The following MDGA2 variants were observed in gnomAD, a reference collection of about 807,000 sequenced individuals.
MDGA2 encodes MAM domain-containing glycosylphosphatidylinositol anchor protein 2.
MDGA2 carries 40 observed loss-of-function variants against 117.8 expected under a neutral mutation model. That is an observed-to-expected ratio of 0.34 (90% CI 0.26 to 0.44). The LOEUF is 0.44. Ranked by LOEUF, MDGA2 falls within the 20% of genes least tolerant of loss-of-function variation. The pLI is 1.00. For missense variants in MDGA2, 1,123 were observed against 1,250.6 expected (o/e 0.90, Z 1.54); for synonymous variants, 452 against 439.0 (o/e 1.03, Z -0.37).
chr14:46,886,568 G>C (rs189303124), intron 10 of MDGA2, among the ~76,000 whole-genome samples: 1 of 152,174 alleles, frequency 6.6e-6, no homozygotes, highest in East Asian at 1.9e-4. Context: ...GAGGGGTAAA[G>C]AAAGGACTTC....
intron 2 of MDGA2, among the ~76,000 whole-genome samples, chr14:47,224,159 A>G (rs1886395547): frequency 6.6e-6 from 1 of 152,176 alleles, no homozygotes; most frequent in African/African-American, 2.4e-5. Flanking sequence ...TGTAAAAATA[A>G]CATTAACAGA....
intron 1 of MDGA2, among the ~76,000 whole-genome samples, chr14:47,413,420 G>C (rs1234262357): frequency 6.6e-6 from 1 of 152,066 alleles, no homozygotes; most frequent in South Asian, 2.1e-4. Flanking sequence ...AAGGGCAGTG[G>C]GAAAGAAAGA....
At chr14:46,850,003 T>C (rs1880997704) in intron 15 of MDGA2, among the ~76,000 whole-genome samples, 1 of 151,874 alleles carries the variant, frequency 6.6e-6, no homozygotes, top group Admixed American at 6.6e-5. Context: ...ACAATAGCAC[T>C]ATTATTTAAA....
intron 6 of MDGA2, among the ~76,000 whole-genome samples, chr14:47,064,217 T>A (rs564998787): frequency 1.8e-4 from 28 of 152,000 alleles, no homozygotes; most frequent in Non-Finnish European, 3.8e-4. Context: ...GCGAAAAACA[T>A]TGGTGAATCT....
chr14:47,443,313 C>T (rs537833330), intron 1 of MDGA2, among the ~76,000 whole-genome samples: 3 of 152,130 alleles, frequency 2.0e-5, no homozygotes, highest in African/African-American at 7.2e-5. Context: ...GTAGAAGACA[C>T]GAACAGACAT....
At position 47,287,632 on chromosome 14, in the gene MDGA2, C is replaced by G. The variant is rs901332378; in HGVS notation, c.420+13779G>C. Among the ~76,000 whole-genome samples, 4 of 152,010 alleles carry G rather than the reference C, an allele frequency of 2.6e-5. No homozygotes were observed. In the East Asian group the frequency reaches 7.7e-4, roughly 29 times the overall value. ...TGTACAATAGACCCTTTAAAGGTAG[C>G]CTTAGAATTTGTTCAGTAAAAGTAT... On this transcript the variant is annotated intron_variant, in intron 2 of 16. Transcript: ENST00000399232.
At chr14:47,437,998 A>G (rs1387859884) in intron 1 of MDGA2, among the ~76,000 whole-genome samples, 2 of 152,110 alleles carry the variant, frequency 1.3e-5, no homozygotes, top group South Asian at 2.1e-4. Flanking sequence ...AATTTCTCCC[A>G]TTATAGGTAG....
intron 1 of MDGA2, among the ~76,000 whole-genome samples, chr14:47,403,741 AT>A (rs1892204104): frequency 6.6e-6 from 1 of 152,142 alleles, no homozygotes; most frequent in Non-Finnish European, 1.5e-5. Context: ...CTATGCCAAA[AT>A]ACAGCACCTT....
intron 8 of MDGA2, among the ~76,000 whole-genome samples, chr14:47,016,044 G>A (rs1888071176): frequency 6.6e-6 from 1 of 151,968 alleles, no homozygotes; most frequent in Admixed American, 6.6e-5. Context: ...ACATAACTAT[G>A]TTATTAGAAT....
chr14:47,014,478 T>C (rs1474099545), intron 8 of MDGA2, among the ~76,000 whole-genome samples: 1 of 152,228 alleles, frequency 6.6e-6, no homozygotes, highest in Non-Finnish European at 1.5e-5. Context: ...ATTGAAAATC[T>C]GTTGTTTAGG....
At chr14:47,337,264 A>G (rs1890487181) in intron 1 of MDGA2, among the ~76,000 whole-genome samples, 1 of 152,046 alleles carries the variant, frequency 6.6e-6, no homozygotes. Context: ...AAAATTCTAT[A>G]TGTTCAAAAT....
In MDGA2 at chr14:47,351,002, C is replaced by T. The variant is rs369253107; in HGVS notation, c.281-49452G>A. ...TCTCGGCTCACTGCAACCTCGGCTT[C>T]CTGGATTCAAACGATTCTCCTGCCT... On this transcript the variant is annotated intron_variant, in intron 1 of 16. Coordinates refer to ENST00000399232, the MANE Select transcript of MDGA2 (RefSeq NM_001113498.3). Among the ~76,000 whole-genome samples the T allele has an allele frequency of 6.6e-5, 10 of 152,182 alleles. No individual in the cohort carries two copies. In the East Asian group the frequency reaches 1.4e-3, roughly 21 times the overall value.
At chr14:47,246,802 A>AACACACACACATACACACACACAC (rs1887252112) in intron 2 of MDGA2, among the ~76,000 whole-genome samples, 2 of 141,760 alleles carry the variant, frequency 1.4e-5, no homozygotes, top group African/African-American at 5.3e-5. Flanking sequence ...CAGGTAATGA[A>AACACACACACATACACACACACAC]ACACACACAC....
chr14:47,059,206 C>A, intron 7 of MDGA2: 1 of 865,432 alleles, frequency 1.2e-6, no homozygotes, highest in South Asian at 1.5e-5. Context: ...TTCTATGTGC[C>A]ATGTATTGTT....
At chr14:47,060,071 C>T (rs1889827064) in intron 7 of MDGA2, among the ~76,000 whole-genome samples, 3 of 152,008 alleles carry the variant, frequency 2.0e-5, no homozygotes, top group Admixed American at 2.0e-4. Context: ...CTAGCACCAA[C>T]GTTTAAATAT....
chr14:47,567,369 G>A (rs777405241), intron 1 of MDGA2, among the ~76,000 whole-genome samples: 8 of 152,110 alleles, frequency 5.3e-5, no homozygotes, highest in Non-Finnish European at 1.0e-4. Context: ...CATAACAACT[G>A]AAGGAAAAAC....
chr14:47,226,335 G>T (rs1300499745), intron 2 of MDGA2, among the ~76,000 whole-genome samples: 1 of 151,824 alleles, frequency 6.6e-6, no homozygotes, highest in African/African-American at 2.4e-5. Flanking sequence ...TGATGAAGAG[G>T]GACTCATCAC....
At chr14:47,579,927 T>C (rs1241083738) in intron 1 of MDGA2, among the ~76,000 whole-genome samples, 3 of 152,220 alleles carry the variant, frequency 2.0e-5, no homozygotes, top group African/African-American at 7.2e-5. Flanking sequence ...TACATGTTAC[T>C]ATGCTATGTG....
chr14:46,965,813 T>C (rs1886005600), intron 8 of MDGA2, among the ~76,000 whole-genome samples: 1 of 152,308 alleles, frequency 6.6e-6, no homozygotes, highest in East Asian at 1.9e-4. Context: ...GAATCAGTTT[T>C]TTATGGCATA....
Sources: gnomAD v4.1 joint callset for allele counts (sites outside exome capture counted in the v4.1 genomes callset) on GRCh38, gnomAD v4.1.1 for gene constraint, MANE v1.5 for transcripts, NCBI Gene and HGNC (gene_info 2026-07-23, HGNC 2026-07-21) for gene names.